COL19A1: variants seen among roughly 807,000 people sequenced by gnomAD.
COL19A1 encodes the protein collagen type XIX alpha 1 chain.
Under a neutral mutation model 190.2 loss-of-function variants are expected in COL19A1, and 159 were observed. The observed-to-expected ratio is 0.84, with a 90% CI of 0.73 to 0.95. The LOEUF is 0.95. Among genes scored for constraint, COL19A1 ranks in the 40% least tolerant of loss-of-function variants. The pLI is 0.00. For synonymous variants in COL19A1, 509 were observed against 458.9 expected (o/e 1.11, Z -1.39); for missense variants, 1,418 against 1,431.9 (o/e 0.99, Z 0.16).
chr6:69,882,358 G>T (rs1392117915), intron 2 of COL19A1, among the ~76,000 whole-genome samples: 1 of 152,188 alleles, frequency 6.6e-6, no homozygotes, highest in Non-Finnish European at 1.5e-5. Flanking sequence ...CACTGCAAAT[G>T]AACTTCCATT....
intron 11 of COL19A1, among the ~76,000 whole-genome samples, chr6:69,980,907 C>T (rs140918912): frequency 2.7e-4 from 41 of 152,274 alleles, no homozygotes; most frequent in African/African-American, 9.9e-4. Context: ...AAGTGTAGAG[C>T]TACAGTCTCT....
intron 11 of COL19A1, among the ~76,000 whole-genome samples, chr6:70,003,863 C>T (rs898542974): frequency 6.6e-6 from 1 of 152,022 alleles, no homozygotes; most frequent in Non-Finnish European, 1.5e-5. Context: ...GTCATTTAGC[C>T]CCTTTACATT....
At chr6:69,941,453 G>A (rs1773460839) in intron 9 of COL19A1, among the ~76,000 whole-genome samples, 1 of 152,104 alleles carries the variant, frequency 6.6e-6, no homozygotes, top group Admixed American at 6.6e-5. Flanking sequence ...TTCATTTGTG[G>A]CTTGATGAAG....
intron 11 of COL19A1, among the ~76,000 whole-genome samples, chr6:69,980,540 T>C (rs1398749197): frequency 6.6e-6 from 1 of 152,108 alleles, no homozygotes; most frequent in Admixed American, 6.6e-5. Context: ...ATAGACATAT[T>C]AGACATATAA....
At chr6:70,168,508 C>A in intron 39 of COL19A1, 147 bp from the exon 40 acceptor site, 1 of 670,590 alleles carries the variant, frequency 1.5e-6, no homozygotes, top group Non-Finnish European at 2.5e-6. Flanking sequence ...TATATTTATT[C>A]ATCTTATTCT....
At position 69,904,985 on chromosome 6, in the gene COL19A1, C is replaced by T. The variant is rs527428000; in HGVS notation, c.266+4647C>T. ...CGGTGCTGCGTGCTTCCAGCTGCCT[C>T]GGTGCTTTCTCCACACTCACAGGAG... On this transcript the variant is annotated intron_variant, in intron 4 of 50. Coordinates refer to ENST00000620364, the MANE Select transcript of COL19A1 (RefSeq NM_001858.6). Among the ~76,000 whole-genome samples, 4 of 152,256 alleles carry T rather than the reference C, an allele frequency of 2.6e-5. No individual in the cohort carries two copies. In the East Asian group the frequency reaches 7.7e-4, roughly 29 times the overall value.
intron 18 of COL19A1, among the ~76,000 whole-genome samples, chr6:70,134,643 A>C (rs1271900225): frequency 6.6e-6 from 1 of 152,154 alleles, no homozygotes; most frequent in Non-Finnish European, 1.5e-5. Flanking sequence ...CTTCTTATCC[A>C]TTTGGTTCCT....
At chr6:70,137,104 G>GT (rs1785919123) in intron 18 of COL19A1, among the ~76,000 whole-genome samples, 1 of 152,066 alleles carries the variant, frequency 6.6e-6, no homozygotes, top group African/African-American at 2.4e-5. Context: ...TCTCTTCAAG[G>GT]TTTTTGACCA....
chr6:70,126,594 C>T (rs141143961), intron 17 of COL19A1, among the ~76,000 whole-genome samples: 2 of 152,298 alleles, frequency 1.3e-5, no homozygotes, highest in Non-Finnish European at 2.9e-5. Flanking sequence ...CTAAGAGGTT[C>T]GGCTTTGAGC....
At chr6:70,116,059 A>G (rs1296973360) in intron 16 of COL19A1, among the ~76,000 whole-genome samples, 1 of 152,114 alleles carries the variant, frequency 6.6e-6, no homozygotes, top group Non-Finnish European at 1.5e-5. Context: ...TTTTCTATCT[A>G]AAGAACATTA....
Position 69,934,159 on chromosome 6 carries a change from TTA to T in COL19A1, c.747+1300_747+1301del, listed in dbSNP as rs145893143. 5.1e-4 allele frequency among the ~76,000 whole-genome samples: 78 copies of T among 152,126 alleles called. 1 individual carries two copies. The highest frequency in any genetic ancestry group is 8.5e-4 in the Non-Finnish European group (58 of 67,894). Reference sequence around the variant, plus strand: ...AAAGCATAGCTAAGTCTTTCAAGTATTATATGTTTTGCTTTTGTAACTTGGCT... The same window carrying T: ...AAAGCATAGCTAAGTCTTTCAAGTATTATGTTTTGCTTTTGTAACTTGGCT... On this transcript the variant is annotated intron_variant, in intron 7 of 50. Coordinates refer to ENST00000620364, the MANE Select transcript of COL19A1 (RefSeq NM_001858.6).
At chr6:70,074,520 G>C (rs1781757108) in intron 15 of COL19A1, among the ~76,000 whole-genome samples, 2 of 128,532 alleles carry the variant, frequency 1.6e-5, no homozygotes, top group East Asian at 4.8e-4. Flanking sequence ...AAAAAAAAGA[G>C]AGAGAAAGAG....
chr6:69,900,302 T>A lies in COL19A1; in HGVS notation c.230T>A (p.Phe77Tyr), dbSNP rs751765177. 1 of 1,594,028 alleles carries A rather than the reference T, an allele frequency of 6.3e-7. No homozygotes were observed. Among genetic ancestry groups the A allele is most frequent in the Admixed American group, 1.7e-5 (1 of 58,368 alleles). The change falls in exon 4 of 51, where the codon TTC (phenylalanine) becomes TAC (tyrosine). Residue 77 changes from phenylalanine (F) to tyrosine (Y), a missense_variant. By Grantham distance (22) the Phe-to-Tyr change is conservative (BLOSUM62 3). Transcript: ENST00000620364. ...RAFCESDKTC[F>Y]KLGSALLIRD... Reference sequence around the variant, plus strand: ...TTTTGTGAAAGTGATAAAACCTGTTTCAAATTGGGAAGTGCACTTCTTATT... The same window carrying A: ...TTTTGTGAAAGTGATAAAACCTGTTACAAATTGGGAAGTGCACTTCTTATT...
intron 36 of COL19A1, among the ~76,000 whole-genome samples, chr6:70,164,385 T>C (rs779226671): frequency 6.6e-6 from 1 of 152,152 alleles, no homozygotes; most frequent in Non-Finnish European, 1.5e-5. Flanking sequence ...CATGAGCCAC[T>C]CAAGCAGCTT....
chr6:69,983,267 T>G (rs558806962), intron 11 of COL19A1, among the ~76,000 whole-genome samples: 23 of 152,198 alleles, frequency 1.5e-4, no homozygotes, highest in African/African-American at 5.1e-4. Flanking sequence ...TATTTGACGT[T>G]TTTGATGCTA....
At chr6:70,074,197 A>T (rs59506144) in intron 15 of COL19A1, among the ~76,000 whole-genome samples, 29,114 of 151,964 alleles carry the variant, frequency 0.19, 4,006 homozygotes, top group African/African-American at 0.36. Flanking sequence ...TAAAGTAAAA[A>T]AATAATAATA....
At chr6:69,983,263 A>G (rs1336658002) in intron 11 of COL19A1, among the ~76,000 whole-genome samples, 4 of 152,000 alleles carry the variant, frequency 2.6e-5, no homozygotes, top group South Asian at 2.1e-4. Flanking sequence ...TAGGTATTTG[A>G]CGTTTTTGAT....
At chr6:69,983,056 A>T (rs1279879066) in intron 11 of COL19A1, among the ~76,000 whole-genome samples, 1 of 151,794 alleles carries the variant, frequency 6.6e-6, no homozygotes, top group Non-Finnish European at 1.5e-5. Flanking sequence ...TTCCACACTT[A>T]CATACACACA....
intron 44 of COL19A1, among the ~76,000 whole-genome samples, chr6:70,181,456 C>T (rs1440653193): frequency 6.6e-6 from 1 of 152,012 alleles, no homozygotes; most frequent in Non-Finnish European, 1.5e-5. Flanking sequence ...TAGTTTCATT[C>T]CCTGCCTCCT....
Sources: gnomAD v4.1 joint callset for allele counts (sites outside exome capture counted in the v4.1 genomes callset) on GRCh38, gnomAD v4.1.1 for gene constraint, MANE v1.5 for transcripts, NCBI Gene and HGNC (gene_info 2026-07-23, HGNC 2026-07-21) for gene names.